Variants in OR5T3 observed in about 807,000 individuals in gnomAD.
OR5T3 encodes olfactory receptor 5T3.
A neutral mutation model predicts 14.0 loss-of-function variants in OR5T3; 14 were observed. The ratio of observed to expected loss-of-function variants is 1.00; its 90% CI spans 0.66 to 1.56. OR5T3 has a LOEUF of 1.56. Among genes scored for constraint, OR5T3 ranks in the 40% most tolerant of loss-of-function variants. The pLI is 0.00. For missense variants in OR5T3, 410 were observed against 374.2 expected (o/e 1.10, Z -0.79); for synonymous variants, 150 against 137.2 (o/e 1.09, Z -0.65).
chr11:56,252,885 T>G lies in OR5T3; in HGVS notation c.632T>G (p.Leu211Arg), dbSNP rs113283245. The change falls in exon 1 of 1, where the codon CTC (leucine) becomes CGC (arginine). Residue 211 changes from leucine (L) to arginine (R), a missense_variant. Transcript: ENST00000313033. The part of the protein sequence containing the change: ...CSDTHTNQLL[L>R]FYFVGSIEIV... Reference sequence around the variant, plus strand: ...GACACTCACACAAACCAGCTTCTACTCTTCTACTTTGTGGGTTCTATTGAG... The same window carrying G: ...GACACTCACACAAACCAGCTTCTACGCTTCTACTTTGTGGGTTCTATTGAG... 9 of 1,613,542 alleles carry G rather than the reference T, an allele frequency of 5.6e-6. No individual in the cohort carries two copies. The East Asian group carries it at 1.8e-4, about 32-fold the overall frequency.
In OR5T3 at chr11:56,252,660, T is replaced by G. The variant is rs771744949; in HGVS notation, c.407T>G (p.Val136Gly). ...LLAAMAYDHY[V>G]AIYNPLLYSV... is the part of the protein sequence containing the mutation. ...GCTGCAATGGCTTATGATCACTATG[T>G]AGCCATCTACAACCCTCTCCTGTAT... Residue 136 changes from valine to glycine, a missense_variant, in exon 1 of 1, where the codon GTA becomes GGA. Transcript: ENST00000313033. The G allele has an allele frequency of 1.0e-4, 163 of 1,613,792 alleles. No homozygotes were observed. The highest frequency in any genetic ancestry group is 1.3e-4 in the Non-Finnish European group (153 of 1,179,844).
chr11:56,252,347 G>T lies in OR5T3; in HGVS notation c.94G>T (p.Asp32Tyr), dbSNP rs1355765846. ...TMFILTGFTD[D>Y]FELQVFLFLL... ...GTTTATATTGACAGGCTTCACAGAT[G>T]ATTTTGAGCTGCAAGTCTTCCTATT... is the stretch of plus-strand genomic sequence containing the variant. Residue 32 changes from aspartate to tyrosine, a missense_variant, in exon 1 of 1, where the codon GAT becomes TAT. By Grantham distance (160) the Asp-to-Tyr change is radical. Coordinates refer to ENST00000313033, the MANE Select transcript of OR5T3 (RefSeq NM_001004747.2). 3 of 1,613,618 alleles carry T rather than the reference G, an allele frequency of 1.9e-6. No individual in the cohort carries two copies. Among genetic ancestry groups the T allele is most frequent in the Non-Finnish European group, 2.5e-6 (3 of 1,179,690 alleles).
Position 56,252,546 on chromosome 11 carries a change from T to C in OR5T3, c.293T>C (p.Leu98Pro). Reference protein sequence around the residue: ...VVTPKMLVNFLAKNKSISFIG... With the variant: ...VVTPKMLVNFPAKNKSISFIG... ...ACTCCAAAAATGTTGGTCAATTTCC[T>C]GGCAAAAAATAAATCCATTTCATTT... The change falls in exon 1 of 1, where the codon CTG (leucine) becomes CCG (proline). Residue 98 changes from leucine (L) to proline (P), a missense_variant. Leu to Pro is a moderately conservative substitution (Grantham distance 98, BLOSUM62 -3). Coordinates refer to ENST00000313033, the MANE Select transcript of OR5T3 (RefSeq NM_001004747.2). 3.1e-6 allele frequency: 5 copies of C among 1,613,914 alleles called. No homozygotes were observed. Among genetic ancestry groups the C allele is most frequent in the Non-Finnish European group, 4.2e-6 (5 of 1,179,836 alleles).
rs1853599220 is a variant in OR5T3 at position 56,253,052 on chromosome 11, A to G, written c.799A>G (p.Ile267Val). ...TGGAGTGACAATTTATCATGGAACA[A>G]TTCTCGTCAGTTATATGAGACCAAG... ...LTGVTIYHGT[I>V]LVSYMRPSSS... The change falls in exon 1 of 1, where the codon ATT (isoleucine) becomes GTT (valine). Residue 267 changes from isoleucine (I) to valine (V), a missense_variant. Physicochemically the swap from Ile to Val is conservative, Grantham distance 29 (BLOSUM62 3). Transcript: ENST00000313033. 6.2e-7 allele frequency: 1 copy of G among 1,613,758 alleles called. No homozygotes were observed. The highest frequency in any genetic ancestry group is 8.5e-7 in the Non-Finnish European group (1 of 1,179,758).
chr11:56,252,396 T>G lies in OR5T3; in HGVS notation c.143T>G (p.Leu48Arg). 6.2e-7 allele frequency: 1 copy of G among 1,613,582 alleles called. No homozygotes were observed. The stretch of plus-strand genomic sequence containing the variant: ...TTTTTACTATTTTTTGCAATCTATC[T>G]CTTTACCTTGATAGGCAATTTAGGG... Reference protein sequence around the residue: ...FLFLLFFAIYLFTLIGNLGLV... With the variant: ...FLFLLFFAIYRFTLIGNLGLV... Residue 48 changes from leucine (L) to arginine (R), a missense_variant, in exon 1 of 1, where the codon CTC (leucine) becomes CGC (arginine). Leu to Arg is a moderately radical substitution (Grantham distance 102). Coordinates refer to ENST00000313033, the MANE Select transcript of OR5T3 (RefSeq NM_001004747.2).
Position 56,252,975 on chromosome 11 carries a change from A to C in OR5T3, c.722A>C (p.His241Pro). ...DFILLSILKM[H>P]SAKGRQKAFS... ...ATTCTGTTGTCCATTCTGAAGATGC[A>C]TTCTGCTAAGGGAAGGCAAAAGGCC... Residue 241 changes from histidine to proline, a missense_variant, in exon 1 of 1, where the codon CAT becomes CCT. Physicochemically the swap from His to Pro is moderately conservative, Grantham distance 77 (BLOSUM62 -2). Coordinates refer to ENST00000313033, the MANE Select transcript of OR5T3 (RefSeq NM_001004747.2). 1 of 1,613,790 alleles carries C rather than the reference A, an allele frequency of 6.2e-7. No individual in the cohort carries two copies. The highest frequency in any genetic ancestry group is 8.5e-7 in the Non-Finnish European group (1 of 1,179,774).
chr11:56,252,459 A>G lies in OR5T3; in HGVS notation c.206A>G (p.Asn69Ser), dbSNP rs1414026822. Residue 69 changes from asparagine (N) to serine (S), a missense_variant, in exon 1 of 1, where the codon AAC becomes AGC. Physicochemically the swap from Asn to Ser is conservative, Grantham distance 46. Transcript: ENST00000313033. The part of the protein sequence containing the change: ...VLVIEDSWLH[N>S]PMYYFLSVLS... ...GTCATTGAGGATTCCTGGCTCCACAACCCCATGTATTATTTTCTTAGTGTT... is the reference window on the plus strand; with the variant it reads ...GTCATTGAGGATTCCTGGCTCCACAGCCCCATGTATTATTTTCTTAGTGTT... The G allele has an allele frequency of 1.2e-6, 2 of 1,613,496 alleles. No individual in the cohort carries two copies. The highest frequency in any genetic ancestry group is 1.7e-6 in the Non-Finnish European group (2 of 1,179,744).
rs762394167 is a variant in OR5T3, at chr11:56,252,344, G to A, written c.91G>A (p.Asp31Asn). 14 of 1,613,680 alleles carry A rather than the reference G, an allele frequency of 8.7e-6. No individual in the cohort carries two copies. In the South Asian group the frequency reaches 1.3e-4, roughly 15 times the overall value. The change falls in exon 1 of 1, where the codon GAT becomes AAT. Residue 31 changes from aspartate (D) to asparagine (N), a missense_variant. Transcript: ENST00000313033. ...VTMFILTGFT[D>N]DFELQVFLFL... ...CATGTTTATATTGACAGGCTTCACA[G>A]ATGATTTTGAGCTGCAAGTCTTCCT... is the stretch of plus-strand genomic sequence containing the variant.
chr11:56,252,535 G>T lies in OR5T3; in HGVS notation c.282G>T (p.Leu94Phe). ...CTACAGTTGTCACTCCAAAAATGTT[G>T]GTCAATTTCCTGGCAAAAAATAAAT... ...CYSTVVTPKM[L>F]VNFLAKNKSI... Residue 94 changes from leucine to phenylalanine, a missense_variant, in exon 1 of 1, where the codon TTG becomes TTT. By Grantham distance (22) the Leu-to-Phe change is conservative. Transcript: ENST00000313033. 6.2e-7 allele frequency: 1 copy of T among 1,613,734 alleles called. No homozygotes were observed. Among genetic ancestry groups the T allele is most frequent in the Non-Finnish European group, 8.5e-7 (1 of 1,179,780 alleles).
Position 56,252,883 on chromosome 11 carries a change from A to G in OR5T3, c.630A>G (p.Leu210=), listed in dbSNP as rs1260332639. ...CTGACACTCACACAAACCAGCTTCT[A>G]CTCTTCTACTTTGTGGGTTCTATTG... is the stretch of plus-strand genomic sequence containing the variant. ...SCSDTHTNQL[L]LFYFVGSIEI... Residue 210 remains leucine, a synonymous_variant, in exon 1 of 1, where the codon CTA becomes CTG. Coordinates refer to ENST00000313033, the MANE Select transcript of OR5T3 (RefSeq NM_001004747.2). 1 of 1,613,132 alleles carries G rather than the reference A, an allele frequency of 6.2e-7. No homozygotes were observed. The highest frequency in any genetic ancestry group is 1.3e-5 in the African/African-American group (1 of 74,758).
Position 56,253,071 on chromosome 11 carries a change from G to A in OR5T3, c.818G>A (p.Arg273Lys). 2.5e-6 allele frequency: 4 copies of A among 1,613,626 alleles called. No individual in the cohort carries two copies. The highest frequency in any genetic ancestry group is 3.4e-6 in the Non-Finnish European group (4 of 1,179,706). ...GGAACAATTCTCGTCAGTTATATGA[G>A]ACCAAGTTCCAGCTATGCTTCAGAC... Reference protein sequence around the residue: ...YHGTILVSYMRPSSSYASDHD... With the variant: ...YHGTILVSYMKPSSSYASDHD... Residue 273 changes from arginine to lysine, a missense_variant, in exon 1 of 1, where the codon AGA becomes AAA. Transcript: ENST00000313033.
Position 56,252,394 on chromosome 11 carries a change from T to A in OR5T3, c.141T>A (p.Tyr47Ter), listed in dbSNP as rs201078406. Residue 47 changes from tyrosine to a stop codon, truncating the protein, a stop_gained, in exon 1 of 1, where the codon TAT becomes TAA. Coordinates refer to ENST00000313033, the MANE Select transcript of OR5T3 (RefSeq NM_001004747.2). LOFTEE classifies it high-confidence loss of function. ...TATTTTTACTATTTTTTGCAATCTA[T>A]CTCTTTACCTTGATAGGCAATTTAG... The part of the protein sequence containing the change: ...VFLFLLFFAI[Y>*]LFTLIGNLGL... 1.9e-6 allele frequency: 3 copies of A among 1,613,564 alleles called. No homozygotes were observed. Among genetic ancestry groups the A allele is most frequent in the South Asian group, 1.1e-5 (1 of 91,064 alleles).
At position 56,252,290 on chromosome 11, in the gene OR5T3, A is replaced by G. The variant is rs538897771; in HGVS notation, c.37A>G (p.Asn13Asp). 3.2e-5 allele frequency: 52 copies of G among 1,611,768 alleles called. No individual in the cohort carries two copies. The Admixed American group carries it at 3.3e-4, about 10-fold the overall frequency. Residue 13 changes from asparagine (N) to aspartate (D), a missense_variant, in exon 1 of 1, where the codon AAT (asparagine) becomes GAT (aspartate). Transcript: ENST00000313033. ...KLSSGLDIYR[N>D]PLKNKTEVTM... ...GTCATCAGGTTTGGATATATACAGG[A>G]ATCCACTGAAGAACAAGACTGAAGT...
rs1853602287 is a variant in OR5T3, at chr11:56,253,159, T to C, written c.906T>C (p.Tyr302=). Residue 302 remains tyrosine (Y), a synonymous_variant, in exon 1 of 1, where the codon TAT becomes TAC. Coordinates refer to ENST00000313033, the MANE Select transcript of OR5T3 (RefSeq NM_001004747.2). Reference sequence around the variant, plus strand: ...TTCCCAAGTTGAATCCCATCATCTATAGTTTGAGGAACAAAGAAGTAAAAA... The same window carrying C: ...TTCCCAAGTTGAATCCCATCATCTACAGTTTGAGGAACAAAGAAGTAAAAA... ...IVIPKLNPII[Y]SLRNKEVKKA... 1.9e-6 allele frequency: 3 copies of C among 1,605,262 alleles called. No individual in the cohort carries two copies. Among genetic ancestry groups the C allele is most frequent in the South Asian group, 1.1e-5 (1 of 89,630 alleles).
chr11:56,253,116 T>C lies in OR5T3; in HGVS notation c.863T>C (p.Ile288Thr). The C allele has an allele frequency of 1.9e-6, 3 of 1,610,896 alleles. No homozygotes were observed. Among genetic ancestry groups the C allele is most frequent in the Non-Finnish European group, 2.5e-6 (3 of 1,177,356 alleles). Residue 288 changes from isoleucine (I) to threonine (T), a missense_variant, in exon 1 of 1, where the codon ATA becomes ACA. Transcript: ENST00000313033. ...TCAGACCATGACATCATAGTGTCAA[T>C]ATTTTACACAATTGTGATTCCCAAG... Reference protein sequence around the residue: ...YASDHDIIVSIFYTIVIPKLN... With the variant: ...YASDHDIIVSTFYTIVIPKLN...
At position 56,253,016 on chromosome 11, in the gene OR5T3, T is replaced by G; in HGVS notation, c.763T>G (p.Ser255Ala). The change falls in exon 1 of 1, where the codon TCT (serine) becomes GCT (alanine). Residue 255 changes from serine (S) to alanine (A), a missense_variant. Physicochemically the swap from Ser to Ala is moderately conservative, Grantham distance 99 (BLOSUM62 1). Coordinates refer to ENST00000313033, the MANE Select transcript of OR5T3 (RefSeq NM_001004747.2). ...GRQKAFSTCG[S>A]HLTGVTIYHG... ...GCAAAAGGCCTTCTCTACATGTGGC[T>G]CTCACCTAACTGGAGTGACAATTTA... The G allele has an allele frequency of 6.2e-7, 1 of 1,613,564 alleles. No individual in the cohort carries two copies. Among genetic ancestry groups the G allele is most frequent in the Admixed American group, 1.7e-5 (1 of 59,988 alleles).
In OR5T3 at chr11:56,253,040, T is replaced by C. The variant is rs1337955958; in HGVS notation, c.787T>C (p.Tyr263His). The change falls in exon 1 of 1, where the codon TAT becomes CAT. Residue 263 changes from tyrosine (Y) to histidine (H), a missense_variant. Physicochemically the swap from Tyr to His is moderately conservative, Grantham distance 83. Transcript: ENST00000313033. ...CTCTCACCTAACTGGAGTGACAATT[T>C]ATCATGGAACAATTCTCGTCAGTTA... Reference protein sequence around the residue: ...CGSHLTGVTIYHGTILVSYMR... With the variant: ...CGSHLTGVTIHHGTILVSYMR... 6.2e-7 allele frequency: 1 copy of C among 1,613,658 alleles called. No homozygotes were observed. The highest frequency in any genetic ancestry group is 8.5e-7 in the Non-Finnish European group (1 of 1,179,766).
rs375248818 is a variant in OR5T3, at chr11:56,253,073, C to A, written c.820C>A (p.Pro274Thr). ...HGTILVSYMR[P>T]SSSYASDHDI... ...AACAATTCTCGTCAGTTATATGAGA[C>A]CAAGTTCCAGCTATGCTTCAGACCA... The change falls in exon 1 of 1, where the codon CCA (proline) becomes ACA (threonine). Residue 274 changes from proline (P) to threonine (T), a missense_variant. Pro to Thr is a conservative substitution (Grantham distance 38). Coordinates refer to ENST00000313033, the MANE Select transcript of OR5T3 (RefSeq NM_001004747.2). 137 of 1,613,458 alleles carry A rather than the reference C, an allele frequency of 8.5e-5. No homozygotes were observed. The highest frequency in any genetic ancestry group is 1.1e-4 in the Non-Finnish European group (133 of 1,179,688).
chr11:56,253,113 C>G lies in OR5T3; in HGVS notation c.860C>G (p.Ser287Ter), dbSNP rs771063246. ...GCTTCAGACCATGACATCATAGTGT[C>G]AATATTTTACACAATTGTGATTCCC... Reference protein sequence around the residue: ...SYASDHDIIVSIFYTIVIPKL... With the variant: ...SYASDHDIIV The change falls in exon 1 of 1, where the codon TCA (serine) becomes TGA (stop). Residue 287 changes from serine (S) to a stop codon, truncating the protein, a stop_gained. Coordinates refer to ENST00000313033, the MANE Select transcript of OR5T3 (RefSeq NM_001004747.2). LOFTEE classifies it high-confidence loss of function. 42 of 1,610,852 alleles carry G rather than the reference C, an allele frequency of 2.6e-5. 2 individuals carry two copies. The South Asian group carries it at 4.0e-4, about 15-fold the overall frequency.
Sources: allele counts gnomAD v4.1 joint callset, GRCh38; gene constraint gnomAD v4.1.1; transcripts MANE v1.5; gene names NCBI Gene and HGNC (gene_info 2026-07-23, HGNC 2026-07-21).